EPHA10: variants seen among roughly 807,000 people sequenced by gnomAD.
EPHA10 encodes ephrin type-A receptor 10.
In EPHA10, 120 loss-of-function variants were observed where a neutral mutation model predicts 109.7. That is an observed-to-expected ratio of 1.09 (90% CI 0.94 to 1.27). EPHA10 has a LOEUF of 1.27. EPHA10 is among the 50% of genes most tolerant of loss of function. EPHA10 has a pLI of 0.00. For synonymous variants in EPHA10, 640 were observed against 618.9 expected, an observed-to-expected ratio of 1.03 and a Z score of -0.51; for missense variants, 1,396 against 1,411.1, an observed-to-expected ratio of 0.99 and a Z score of 0.17.
chr1:37,726,165 A>G (rs575806128), intron 8 of EPHA10, among the ~76,000 whole-genome samples: 82 of 152,322 alleles, frequency 5.4e-4, no homozygotes, highest in African/African-American at 1.7e-3. Context: ...CAAAGCCAGG[A>G]TGAGATGCTC....
At chr1:37,755,331 C>A (rs1255403546) in intron 3 of EPHA10, among the ~76,000 whole-genome samples, 1 of 143,902 alleles carries the variant, frequency 6.9e-6, no homozygotes, top group Non-Finnish European at 1.5e-5. Flanking sequence ...CATACATGCA[C>A]ACACACACAC....
chr1:37,719,550 G>A lies in EPHA10; in HGVS notation c.2620C>T (p.Leu874Phe). 1.9e-6 allele frequency: 3 copies of A among 1,613,998 alleles called. No individual in the cohort carries two copies. Among genetic ancestry groups the A allele is most frequent in the African/African-American group, 1.3e-5 (1 of 75,012 alleles). The stretch of plus-strand genomic sequence containing the variant: ...CAGTCGAGCATTAGTCGGTGCAGAA[G>A]GTTAGGACAGTTCCTGGGGGGTGGC... ...RLPPPRNCPNLLHRLMLDCWQ... is the reference protein window; with the variant it reads ...RLPPPRNCPNFLHRLMLDCWQ... Residue 874 changes from leucine to phenylalanine, a missense_variant, in exon 15 of 17, where the codon CTT (leucine) becomes TTT (phenylalanine). By Grantham distance (22) the Leu-to-Phe change is conservative (BLOSUM62 0). Coordinates refer to ENST00000373048, the MANE Select transcript of EPHA10 (RefSeq NM_001099439.2).
chr1:37,761,071 A>G (rs1646424825), intron 3 of EPHA10: 1 of 992,268 alleles, frequency 1.0e-6, no homozygotes, highest in Non-Finnish European at 1.3e-6. Flanking sequence ...GCAACAGAGC[A>G]AGAGAGACTC....
In EPHA10 at chr1:37,751,242, G is replaced by GAAAAAGA. The variant is rs1646320713; in HGVS notation, c.1357+1633_1357+1634insTCTTTTT. Reference sequence around the variant, plus strand: ...AGAAAGAAAGAAAGAAAAAGAAAAAGAAAAAAAAAAAAGAAATCCATATTG... The same window carrying GAAAAAGA: ...AGAAAGAAAGAAAGAAAAAGAAAAAGAAAAAGAAAAAAAAAAAAAGAAATCCATATTG... On this transcript the variant is annotated intron_variant, in intron 5 of 16. Transcript: ENST00000373048. Among the ~76,000 whole-genome samples the GAAAAAGA allele has an allele frequency of 3.2e-5, 4 of 124,298 alleles. 1 individual carries two copies. Among genetic ancestry groups the GAAAAAGA allele is most frequent in the African/African-American group, 6.1e-5 (2 of 33,032 alleles). 81.5% of individuals were successfully genotyped at this position (124,298 alleles called of 152,430 possible).
At chr1:37,718,909 G>T in intron 15 of EPHA10, 93 bp from the exon 16 acceptor site, 1 of 1,465,448 alleles carries the variant, frequency 6.8e-7, no homozygotes, top group East Asian at 2.4e-5. Context: ...GGATGGACAG[G>T]AGAAGGGGAG....
intron 5 of EPHA10, among the ~76,000 whole-genome samples, chr1:37,751,128 C>T (rs751253711): frequency 6.8e-5 from 10 of 146,950 alleles, no homozygotes; most frequent in Non-Finnish European, 1.3e-4. Context: ...TGGCGTGAAC[C>T]CCAGACGCGG....
intron 5 of EPHA10, among the ~76,000 whole-genome samples, chr1:37,742,590 A>C (rs1646171721): frequency 7.5e-6 from 1 of 133,834 alleles, no homozygotes; most frequent in African/African-American, 2.6e-5. Context: ...GGCAGAGTGG[A>C]CAGACAGAAA....
chr1:37,718,916 G>A (rs1268985999), intron 15 of EPHA10, 100 bp from the exon 16 acceptor site: 1 of 1,449,280 alleles, frequency 6.9e-7, no homozygotes, highest in Non-Finnish European at 9.2e-7. Flanking sequence ...CAGGAGAAGG[G>A]GAGGGTAACC....
rs547053518 is a variant in EPHA10, at chr1:37,764,193, G to A, written c.106+768C>T. Among the ~76,000 whole-genome samples, 12 of 152,262 alleles carry A rather than the reference G, an allele frequency of 7.9e-5. No homozygotes were observed. The highest frequency in any genetic ancestry group is 2.9e-4 in the African/African-American group (12 of 41,548). ...GTCAGCGACTGTGGGCAGGACCGCC[G>A]ACGGCTTTCCGAGATCCGCGCAACT... On this transcript the variant is annotated intron_variant, in intron 1 of 16. Transcript: ENST00000373048. The surrounding 1 kb of genome is among the most constrained non-coding windows in gnomAD (Gnocchi z 5.8).
At chr1:37,762,936 T>C in intron 1 of EPHA10, 87 bp from the exon 2 acceptor site, 1 of 1,298,848 alleles carries the variant, frequency 7.7e-7, no homozygotes, top group Non-Finnish European at 1.1e-6. Flanking sequence ...TCCCTGTAAA[T>C]TTGCTGAGAG....
At chr1:37,724,779 C>T (rs935309119) in intron 8 of EPHA10, among the ~76,000 whole-genome samples, 7 of 152,166 alleles carry the variant, frequency 4.6e-5, no homozygotes, top group South Asian at 2.1e-4. Context: ...AGCCTGGGCT[C>T]GGAACCTGAC....
chr1:37,721,596 A>G, intron 11 of EPHA10, 64 bp downstream of exon 11: 1 of 1,497,834 alleles, frequency 6.7e-7, no homozygotes, highest in Non-Finnish European at 9.0e-7. Flanking sequence ...CCAAACTCCC[A>G]CACCATCATT....
downstream of EPHA10, among the ~76,000 whole-genome samples, chr1:37,715,594 G>A (rs1277296974): frequency 2.0e-5 from 3 of 152,098 alleles, no homozygotes; most frequent in Non-Finnish European, 2.9e-5. Flanking sequence ...CATCTCTGCC[G>A]CACATCCCAC....
intron 8 of EPHA10, among the ~76,000 whole-genome samples, chr1:37,724,254 C>G (rs1645850678): frequency 6.6e-6 from 1 of 152,194 alleles, no homozygotes; most frequent in Admixed American, 6.5e-5. Context: ...AAGTTGCCCA[C>G]AGTTTATGGT....
At chr1:37,719,751 A>C in intron 14 of EPHA10, 144 bp from the exon 15 acceptor site, 1 of 1,412,972 alleles carries the variant, frequency 7.1e-7, no homozygotes. Context: ...CACACACCCA[A>C]GGAAGCCTGG....
chr1:37,746,101 C>CTTTTTTTTTTTT (rs111763214), intron 5 of EPHA10, among the ~76,000 whole-genome samples: 6 of 127,444 alleles, frequency 4.7e-5, no homozygotes, highest in East Asian at 2.3e-4. Flanking sequence ...CTTTTCTTTT[C>CTTTTTTTTTTTT]TTTTTTTTTT....
intron 5 of EPHA10, among the ~76,000 whole-genome samples, chr1:37,745,700 A>G (rs775843067): frequency 6.6e-6 from 1 of 152,090 alleles, no homozygotes; most frequent in Non-Finnish European, 1.5e-5. Flanking sequence ...AAATACAAAT[A>G]TTAGCCAGGC....
chr1:37,761,964 G>T lies in EPHA10; in HGVS notation c.291C>A (p.Arg97=), dbSNP rs774237973. Reference sequence around the variant, plus strand: ...GCAGTTCCACGAAGATGCGCTGCCCGCGGCCACGGCTTATCCAGCCAGTCT... The same window carrying T: ...GCAGTTCCACGAAGATGCGCTGCCCTCGGCCACGGCTTATCCAGCCAGTCT... The part of the protein sequence containing the change: ...WLQTGWISRG[R]GQRIFVELQF... Residue 97 remains arginine, a synonymous_variant, in exon 3 of 17, where the codon CGC becomes CGA. Coordinates refer to ENST00000373048, the MANE Select transcript of EPHA10 (RefSeq NM_001099439.2). 2 of 1,614,028 alleles carry T rather than the reference G, an allele frequency of 1.2e-6. No individual in the cohort carries two copies. Among genetic ancestry groups the T allele is most frequent in the African/African-American group, 1.3e-5 (1 of 74,950 alleles).
In EPHA10 at chr1:37,761,402, T is replaced by C. The variant is rs375169667; in HGVS notation, c.850+3A>G. The stretch of plus-strand genomic sequence containing the variant: ...ACCCCACGGCCCCCAGCCAACTGGA[T>C]ACCTTCGCAGAAGTCACCACGCTCC... On this transcript the variant is annotated splice_donor_region_variant and intron_variant, in intron 3 of 16. Transcript: ENST00000373048. The C allele has an allele frequency of 1.3e-6, 2 of 1,599,138 alleles. No homozygotes were observed. Among genetic ancestry groups the C allele is most frequent in the African/African-American group, 2.7e-5 (2 of 74,870 alleles).
Sources: allele counts gnomAD v4.1 joint callset (sites outside exome capture counted in the v4.1 genomes callset), GRCh38; gene constraint gnomAD v4.1.1; non-coding constraint Gnocchi (gnomAD v3.1); transcripts MANE v1.5; gene names NCBI Gene and HGNC (gene_info 2026-07-23, HGNC 2026-07-21).